The following EYA4 variants were observed in gnomAD, a reference collection of about 807,000 sequenced individuals.
EYA4 encodes the protein EYA transcriptional coactivator and phosphatase 4, also known as protein phosphatase EYA4.
Under a neutral mutation model 87.9 loss-of-function variants are expected in EYA4, and 31 were observed. That is an observed-to-expected ratio of 0.35 (90% CI 0.27 to 0.48). EYA4 has a LOEUF of 0.48. Among genes scored for constraint, EYA4 ranks in the 20% least tolerant of loss-of-function variants. The probability of loss-of-function intolerance (pLI) is 0.99; values close to 1 mark genes in which losing one functional copy is unlikely to be tolerated. For synonymous variants in EYA4, 263 were observed against 270.6 expected, an observed-to-expected ratio of 0.97 and a Z score of 0.28; for missense variants, 678 against 761.4, an observed-to-expected ratio of 0.89 and a Z score of 1.29.
intron 2 of EYA4, among the ~76,000 whole-genome samples, chr6:133,295,931 T>TA (rs1778910509): frequency 6.6e-6 from 1 of 152,232 alleles, no homozygotes; most frequent in Non-Finnish European, 1.5e-5. Context: ...AATATACAAA[T>TA]ATGTCTAGTG....
intron 2 of EYA4, among the ~76,000 whole-genome samples, chr6:133,312,200 C>A (rs1032643128): frequency 6.6e-6 from 1 of 152,008 alleles, no homozygotes; most frequent in Non-Finnish European, 1.5e-5. Context: ...GGCTAGAAGG[C>A]AGGAGCATTG....
Position 133,531,357 on chromosome 6 carries a change from G to C in EYA4, c.*2552G>C, listed in dbSNP as rs1583584022. 1 of 631,800 alleles carries C rather than the reference G, an allele frequency of 1.6e-6. No individual in the cohort carries two copies. Among genetic ancestry groups the C allele is most frequent in the Non-Finnish European group, 2.6e-6 (1 of 380,454 alleles). The allele number at this position is 631,800 out of a possible 1,614,324, so 39.1% of individuals were successfully genotyped here. On this transcript the variant is annotated 3_prime_UTR_variant, in exon 20 of 20. Transcript: ENST00000355286. ...CTAGAACTCTTCCCTTCCCACCTTAGGAATAGAAAATCCTCTTCCTTTCTA... is the reference window on the plus strand; with the variant it reads ...CTAGAACTCTTCCCTTCCCACCTTACGAATAGAAAATCCTCTTCCTTTCTA...
chr6:133,490,885 A>C (rs596428), intron 13 of EYA4, among the ~76,000 whole-genome samples: 125,754 of 152,042 alleles, frequency 0.83, 52,523 homozygotes, highest in African/African-American at 0.94. Context: ...CAGAACATTT[A>C]ATACAACAAC....
At chr6:133,305,412 G>C (rs535033562) in intron 2 of EYA4, among the ~76,000 whole-genome samples, 2 of 152,266 alleles carry the variant, frequency 1.3e-5, no homozygotes, top group East Asian at 3.9e-4. Context: ...TTTAGGAATG[G>C]AGTGGTGAGA....
In EYA4 at chr6:133,483,041, G is replaced by C; in HGVS notation, c.1117G>C (p.Val373Leu). 2 of 1,613,026 alleles carry C rather than the reference G, an allele frequency of 1.2e-6. No individual in the cohort carries two copies. Residue 373 changes from valine (V) to leucine (L), a missense_variant, in exon 13 of 20, where the codon GTC becomes CTC. Transcript: ENST00000355286. ...TATTTTTTGTCTTCAGCGTGTGTTT[G>C]TCTGGGATTTGGATGAAACCATCAT... ...PPDSDLERVFVWDLDETIIVF... is the reference protein window; with the variant it reads ...PPDSDLERVFLWDLDETIIVF...
At chr6:133,347,395 CTTCTT>C (rs1430281119) in intron 2 of EYA4, among the ~76,000 whole-genome samples, 5 of 151,944 alleles carry the variant, frequency 3.3e-5, no homozygotes, top group Non-Finnish European at 7.4e-5. Flanking sequence ...GCATTTAACT[CTTCTT>C]TTTCTGACTT....
intron 11 of EYA4, among the ~76,000 whole-genome samples, chr6:133,469,797 T>C (rs1795170229): frequency 6.6e-6 from 1 of 152,046 alleles, no homozygotes; most frequent in Non-Finnish European, 1.5e-5. Flanking sequence ...ATTTTATAGA[T>C]ATGACATTAA....
At chr6:133,312,366 TGA>T (rs1360323393) in intron 2 of EYA4, among the ~76,000 whole-genome samples, 7 of 149,376 alleles carry the variant, frequency 4.7e-5, no homozygotes, top group Middle Eastern at 3.2e-3. Context: ...TGTGTGTGTG[TGA>T]GAGAGAGGCG....
At chr6:133,382,528 G>A in intron 3 of EYA4, 87 bp downstream of exon 3, 1 of 914,756 alleles carries the variant, frequency 1.1e-6, no homozygotes, top group African/African-American at 1.6e-5. Context: ...ACACAATTGT[G>A]ATTTGAAACA....
chr6:133,442,743 C>T (rs543498082), intron 3 of EYA4, among the ~76,000 whole-genome samples: 70 of 151,906 alleles, frequency 4.6e-4, no homozygotes, highest in Non-Finnish European at 8.7e-4. Context: ...GGCTTGCTAC[C>T]GAAATAATTC....
intron 2 of EYA4, among the ~76,000 whole-genome samples, chr6:133,286,266 A>G (rs1321971739): frequency 3.3e-5 from 5 of 152,234 alleles, no homozygotes; most frequent in Non-Finnish European, 7.3e-5. Flanking sequence ...TAAGCTAATT[A>G]AACGCATGTG....
intron 2 of EYA4, among the ~76,000 whole-genome samples, chr6:133,330,941 A>C (rs1411182312): frequency 6.7e-6 from 1 of 150,312 alleles, no homozygotes; most frequent in African/African-American, 2.5e-5. Context: ...TTAAAAGTAC[A>C]TTGACTTTGT....
chr6:133,491,162 G>A (rs1027450890), intron 13 of EYA4, among the ~76,000 whole-genome samples: 10 of 151,934 alleles, frequency 6.6e-5, no homozygotes, highest in African/African-American at 2.2e-4. Context: ...AGAAAAAAGT[G>A]ATAATGGAAA....
rs528359553 is a variant in EYA4 at position 133,407,640 on chromosome 6, A to G, written c.83+25199A>G. Among the ~76,000 whole-genome samples, 3 of 152,270 alleles carry G rather than the reference A, an allele frequency of 2.0e-5. No homozygotes were observed. In the South Asian group the frequency reaches 6.2e-4, roughly 32 times the overall value. On this transcript the variant is annotated intron_variant, in intron 3 of 19. Coordinates refer to ENST00000355286, the MANE Select transcript of EYA4 (RefSeq NM_004100.5). The stretch of plus-strand genomic sequence containing the variant: ...CAGCAGTTTTCGTCTTCTAAATTCA[A>G]TTAAGTTGAGCCCAGTAAGAATTTG...
intron 3 of EYA4, among the ~76,000 whole-genome samples, chr6:133,408,589 C>T (rs1162792384): frequency 6.6e-6 from 1 of 152,152 alleles, no homozygotes; most frequent in Non-Finnish European, 1.5e-5. Flanking sequence ...CACTTGCTAG[C>T]TATACAGTGT....
At chr6:133,484,110 C>T (rs369125210) in intron 13 of EYA4, among the ~76,000 whole-genome samples, 1 of 152,100 alleles carries the variant, frequency 6.6e-6, no homozygotes, top group South Asian at 2.1e-4. Flanking sequence ...CTCTGAAAGG[C>T]TTTTTGGCTA....
chr6:133,446,778 C>T (rs748459471), intron 4 of EYA4, 24 bp downstream of exon 4: 4 of 1,609,440 alleles, frequency 2.5e-6, no homozygotes, highest in Non-Finnish European at 3.4e-6. Flanking sequence ...CCTGAAGATA[C>T]CCAGAATCAT....
chr6:133,371,391 A>G (rs1785255050), intron 2 of EYA4, among the ~76,000 whole-genome samples: 1 of 152,050 alleles, frequency 6.6e-6, no homozygotes, highest in Non-Finnish European at 1.5e-5. Flanking sequence ...TGTAGGTACT[A>G]TTTTCTGAAA....
chr6:133,336,749 T>C (rs1384005342), intron 2 of EYA4, among the ~76,000 whole-genome samples: 1 of 152,188 alleles, frequency 6.6e-6, no homozygotes, highest in Non-Finnish European at 1.5e-5. Flanking sequence ...TTCCAAACGA[T>C]TTAAAAGCAA....
Sources: allele counts gnomAD v4.1 joint callset (sites outside exome capture counted in the v4.1 genomes callset), GRCh38; gene constraint gnomAD v4.1.1; transcripts MANE v1.5; gene names NCBI Gene and HGNC (gene_info 2026-07-23, HGNC 2026-07-21).